Variants in SKAP2 observed in about 807,000 individuals in gnomAD.
SKAP2 encodes src kinase associated phosphoprotein 2, also known as src kinase-associated phosphoprotein 2.
In SKAP2, 28 loss-of-function variants were observed where a neutral mutation model predicts 54.9. That is an observed-to-expected ratio of 0.51 (90% CI 0.38 to 0.70). The LOEUF (loss-of-function observed/expected upper bound fraction) is 0.70, where lower values mean the gene tolerates loss of function less well. Ranked by LOEUF, SKAP2 falls within the 30% of genes least tolerant of loss-of-function variation. The pLI, the probability that SKAP2 is intolerant of heterozygous loss-of-function variation, is 0.00. For synonymous variants in SKAP2, 137 were observed against 134.3 expected (o/e 1.02, Z -0.14); for missense variants, 356 against 424.1 (o/e 0.84, Z 1.41).
At chr7:26,857,153 T>G (rs1785180685) in intron 1 of SKAP2, among the ~76,000 whole-genome samples, 1 of 70,378 alleles carries the variant, frequency 1.4e-5, no homozygotes, top group Non-Finnish European at 2.8e-5. Flanking sequence ...TTGGGTATGG[T>G]CTTTTTTTTT....
chr7:26,787,213 C>A lies in SKAP2; in HGVS notation c.308-47249G>T, dbSNP rs182492385. On this transcript the variant is annotated intron_variant, in intron 4 of 12. Transcript: ENST00000345317. Reference sequence around the variant, plus strand: ...GTTTTTGCACTGCTATAAAAAATATCTTGGACTGGGTAATTTATAAAGAAA... The same window carrying A: ...GTTTTTGCACTGCTATAAAAAATATATTGGACTGGGTAATTTATAAAGAAA... Among the ~76,000 whole-genome samples the A allele has an allele frequency of 2.9e-3, 446 of 152,240 alleles. 6 individuals carry two copies. The Middle Eastern group carries it at 0.031, about 10-fold the overall frequency.
At chr7:26,722,486 G>A (rs1787600071) in intron 9 of SKAP2, among the ~76,000 whole-genome samples, 1 of 148,278 alleles carries the variant, frequency 6.7e-6, no homozygotes, top group South Asian at 2.1e-4. Flanking sequence ...CCGCCTCCCG[G>A]ATTCAAGTGA....
chr7:26,852,567 C>T (rs1785067104), intron 3 of SKAP2, among the ~76,000 whole-genome samples: 1 of 152,126 alleles, frequency 6.6e-6, no homozygotes. Flanking sequence ...ATTTGAACTC[C>T]ATTTTATGCT....
intron 9 of SKAP2, among the ~76,000 whole-genome samples, chr7:26,701,359 C>A (rs1787017852): frequency 6.6e-6 from 1 of 152,166 alleles, no homozygotes; most frequent in African/African-American, 2.4e-5. Context: ...TTGTGCTTAT[C>A]ATAATTTATA....
intron 4 of SKAP2, among the ~76,000 whole-genome samples, chr7:26,808,073 G>A (rs1226631118): frequency 4.6e-5 from 7 of 152,066 alleles, no homozygotes; most frequent in African/African-American, 7.3e-5. Context: ...TATCTCTGAG[G>A]TATGGCTGTG....
the SKAP2 span, among the ~76,000 whole-genome samples, chr7:26,659,064 A>T: frequency 6.6e-6 from 1 of 152,128 alleles, no homozygotes; most frequent in Non-Finnish European, 1.5e-5. Flanking sequence ...CTTATTCCAC[A>T]ATTATGTTCG....
At chr7:26,683,569 G>GGAAGGAAGGA (rs1786559676) in intron 11 of SKAP2, among the ~76,000 whole-genome samples, 1 of 152,032 alleles carries the variant, frequency 6.6e-6, no homozygotes, top group African/African-American at 2.4e-5. Context: ...AGGAAGGAAA[G>GGAAGGAAGGA]AAGGAGCACA....
At chr7:26,658,391 C>T in the SKAP2 span, among the ~76,000 whole-genome samples, 1 of 152,192 alleles carries the variant, frequency 6.6e-6, no homozygotes, top group Admixed American at 6.5e-5. Flanking sequence ...TTGCTAAAAT[C>T]TTTCATTCCT....
intron 4 of SKAP2, among the ~76,000 whole-genome samples, chr7:26,827,745 C>T (rs755392280): frequency 1.3e-5 from 2 of 152,282 alleles, no homozygotes; most frequent in East Asian, 1.9e-4. Context: ...AAAAAGATCA[C>T]GTACTTAGAT....
intron 4 of SKAP2, among the ~76,000 whole-genome samples, chr7:26,806,082 C>G (rs1784018761): frequency 6.6e-6 from 1 of 152,164 alleles, no homozygotes; most frequent in Admixed American, 6.6e-5. Context: ...TATAGGATAG[C>G]ATATTTCATT....
intron 3 of SKAP2, among the ~76,000 whole-genome samples, chr7:26,848,357 CTT>C (rs1185127999): frequency 2.0e-5 from 3 of 152,160 alleles, no homozygotes; most frequent in Non-Finnish European, 4.4e-5. Flanking sequence ...AAATCCAAAA[CTT>C]TTTGAGTGTC....
Position 26,690,018 on chromosome 7 carries a change from T to A in SKAP2, c.874+267A>T, listed in dbSNP as rs148617300. ...GCTAATTTATGCAACTAAATCTCCTTTGTGCAGAAATGAAAGCTAATTGAG... is the reference window on the plus strand; with the variant it reads ...GCTAATTTATGCAACTAAATCTCCTATGTGCAGAAATGAAAGCTAATTGAG... On this transcript the variant is annotated intron_variant, in intron 10 of 12. Transcript: ENST00000345317. 1.6e-3 allele frequency among the ~76,000 whole-genome samples: 248 copies of A among 152,328 alleles called. 1 individual carries two copies. Among genetic ancestry groups the A allele is most frequent in the African/African-American group, 5.7e-3 (239 of 41,570 alleles).
intron 1 of SKAP2, among the ~76,000 whole-genome samples, chr7:26,864,023 C>T (rs937490319): frequency 6.7e-6 from 1 of 149,980 alleles, no homozygotes; most frequent in Non-Finnish European, 1.5e-5. Flanking sequence ...CATTCTCTCT[C>T]CCTCTTCCAC....
At chr7:26,665,481 A>G (rs944757382), downstream of SKAP2, among the ~76,000 whole-genome samples, 2 of 152,140 alleles carry the variant, frequency 1.3e-5, no homozygotes, top group African/African-American at 4.8e-5. Flanking sequence ...TTCTTCTTAA[A>G]TCTCATGTCT....
intron 4 of SKAP2, among the ~76,000 whole-genome samples, chr7:26,843,311 A>G (rs1784856437): frequency 1.3e-5 from 2 of 152,056 alleles, no homozygotes; most frequent in South Asian, 4.1e-4. Context: ...ATTGATACAC[A>G]TTCTTAATTT....
chr7:26,729,084 CT>C (rs1787768828), intron 6 of SKAP2, among the ~76,000 whole-genome samples: 1 of 152,058 alleles, frequency 6.6e-6, no homozygotes, highest in Admixed American at 6.6e-5. Context: ...ATCTAATAAT[CT>C]AGAAATAAGA....
chr7:26,671,983 A>G (rs1019867926), intron 11 of SKAP2, among the ~76,000 whole-genome samples: 2 of 152,072 alleles, frequency 1.3e-5, no homozygotes, highest in African/African-American at 4.8e-5. Flanking sequence ...TTCAAAGTGG[A>G]TAATTAACAG....
chr7:26,758,284 T>C (rs976195867), intron 4 of SKAP2, among the ~76,000 whole-genome samples: 12 of 152,142 alleles, frequency 7.9e-5, no homozygotes, highest in Admixed American at 2.6e-4. Context: ...AATACAATTT[T>C]TAAAACTGTA....
At chr7:26,655,451 T>C in the SKAP2 span, among the ~76,000 whole-genome samples, 3 of 152,346 alleles carry the variant, frequency 2.0e-5, no homozygotes, top group Non-Finnish European at 4.4e-5. Context: ...ATATATTTCT[T>C]GTAAACCATT....
Sources: allele counts gnomAD v4.1 joint callset (sites outside exome capture counted in the v4.1 genomes callset), GRCh38; gene constraint gnomAD v4.1.1; transcripts MANE v1.5; gene names NCBI Gene and HGNC (gene_info 2026-07-23, HGNC 2026-07-21).